JMJD7: variants seen among roughly 807,000 people sequenced by gnomAD.
JMJD7 encodes bifunctional peptidase and (3S)-lysyl hydroxylase JMJD7.
A neutral mutation model predicts 41.1 loss-of-function variants in JMJD7; 41 were observed. The observed-to-expected ratio is 1.00, with a 90% CI of 0.78 to 1.30. JMJD7 has a LOEUF of 1.30. JMJD7 is among the 50% of genes most tolerant of loss of function. The pLI is 0.00. For missense variants in JMJD7, 480 were observed against 420.7 expected (o/e 1.14, Z -1.23); for synonymous variants, 202 against 177.2 (o/e 1.14, Z -1.11).
intron 1 of JMJD7, among the ~76,000 whole-genome samples, chr15:41,833,410 A>T (rs1173155790): frequency 3.0e-3 from 120 of 39,676 alleles, no homozygotes; most frequent in South Asian, 0.01. Context: ...ATATATATAT[A>T]TATATTTTTT....
Position 41,836,609 on chromosome 15 carries a change from G to A in JMJD7, c.702+58G>A. 3 of 1,491,254 alleles carry A rather than the reference G, an allele frequency of 2.0e-6. No individual in the cohort carries two copies. In the Admixed American group the frequency reaches 7.0e-5, roughly 35 times the overall value. 92.4% of individuals were successfully genotyped at this position (1,491,254 alleles called of 1,614,324 possible). ...AGAAGGGCAGAAGCCTGGCTCTGAA[G>A]AACAGGCACAAAAGATCTGGGGAGG... On this transcript the variant is annotated intron_variant, in intron 6 of 7. Coordinates refer to ENST00000397299, the MANE Select transcript of JMJD7 (RefSeq NM_001114632.2).
chr15:41,835,250 C>A, intron 3 of JMJD7, 27 bp downstream of exon 3: 2 of 1,585,194 alleles, frequency 1.3e-6, no homozygotes, highest in South Asian at 2.2e-5. Context: ...TGGTCGTGGC[C>A]CTGGACAGGG....
rs781183887 is a variant in JMJD7, at chr15:41,835,101, A to C, written c.350A>C (p.Glu117Ala). 6.2e-7 allele frequency: 1 copy of C among 1,613,088 alleles called. No individual in the cohort carries two copies. Among genetic ancestry groups the C allele is most frequent in the Non-Finnish European group, 8.5e-7 (1 of 1,180,000 alleles). ...LPLSFVLDVL[E>A]GRAQHPGVLY... ...CTGAGCTTCGTGCTGGATGTGCTGGAGGGCCGGGCCCAGCACCCTGGAGTC... is the reference window on the plus strand; with the variant it reads ...CTGAGCTTCGTGCTGGATGTGCTGGCGGGCCGGGCCCAGCACCCTGGAGTC... The change falls in exon 3 of 8, where the codon GAG becomes GCG. Residue 117 changes from glutamate (E) to alanine (A), a missense_variant. By Grantham distance (107) the Glu-to-Ala change is moderately radical. Transcript: ENST00000397299.
At chr15:41,837,006 G>A (rs1254564266) in intron 7 of JMJD7, 62 bp from the exon 8 acceptor site, 17 of 1,609,560 alleles carry the variant, frequency 1.1e-5, no homozygotes, top group Middle Eastern at 1.6e-4. Context: ...TCTGGGGGGA[G>A]GCTTGGGAGG....
chr15:41,832,021 A>G (rs1033591346), intron 1 of JMJD7, among the ~76,000 whole-genome samples: 7 of 152,176 alleles, frequency 4.6e-5, no homozygotes, highest in African/African-American at 1.4e-4. Context: ...GGTTCCTGGT[A>G]TCTGCAAGCT....
Position 41,836,485 on chromosome 15 carries a change from G to C in JMJD7, c.636G>C (p.Thr212=). Residue 212 remains threonine, a synonymous_variant, in exon 6 of 8, where the codon ACG becomes ACC. Transcript: ENST00000397299. ...DRPFIPYELY[T]PATYQLTEEG... is the part of the protein sequence containing the mutation. Reference sequence around the variant, plus strand: ...TCCCTTGGGCTCCAGAGCTGTACACGCCGGCAACCTACCAGCTAACTGAAG... The same window carrying C: ...TCCCTTGGGCTCCAGAGCTGTACACCCCGGCAACCTACCAGCTAACTGAAG... 1 of 1,586,470 alleles carries C rather than the reference G, an allele frequency of 6.3e-7. No homozygotes were observed. Among genetic ancestry groups the C allele is most frequent in the Non-Finnish European group, 8.6e-7 (1 of 1,165,716 alleles).
Position 41,837,164 on chromosome 15 carries a change from C to G in JMJD7, c.*8C>G, listed in dbSNP as rs749401289. 1.3e-6 allele frequency: 2 copies of G among 1,599,082 alleles called. No homozygotes were observed. The highest frequency in any genetic ancestry group is 1.7e-6 in the Non-Finnish European group (2 of 1,168,498). ...GCTTCAGGCCTTGACTGATGGAGCA[C>G]TGGTGAACACCACCAAGCACGCCTC... is the stretch of plus-strand genomic sequence containing the variant. On this transcript the variant is annotated 3_prime_UTR_variant, in exon 8 of 8. Transcript: ENST00000397299.
Position 41,828,206 on chromosome 15 carries a change from AGGCTGC to A in JMJD7, c.64+22_64+27del, listed in dbSNP as rs1407772993. On this transcript the variant is annotated intron_variant, in intron 1 of 7. Transcript: ENST00000397299. The stretch of plus-strand genomic sequence containing the variant: ...TGCAAGGGGTGAGTGGCTCTCCCAC[AGGCTGC>A]GGCGATTTCCGAACACGGGAGGGGC... 5 of 1,500,580 alleles carry A rather than the reference AGGCTGC, an allele frequency of 3.3e-6. No individual in the cohort carries two copies. The African/African-American group carries it at 7.4e-5, about 22-fold the overall frequency. The allele number at this position is 1,500,580 out of a possible 1,614,324, so 93.0% of individuals were successfully genotyped here. A position where few individuals can be genotyped will look rare whatever the true frequency, so the allele number is the denominator to read the frequency against.
intron 3 of JMJD7, 122 bp downstream of exon 3, chr15:41,835,345 A>G: frequency 2.1e-6 from 3 of 1,410,512 alleles, no homozygotes; most frequent in Non-Finnish European, 1.9e-6. Flanking sequence ...CATCTGGTGC[A>G]GCTCACTAAA....
In JMJD7 at chr15:41,837,135, C is replaced by G. The variant is rs751905830; in HGVS notation, c.930C>G (p.Thr310=). 7 of 1,612,384 alleles carry G rather than the reference C, an allele frequency of 4.3e-6. No homozygotes were observed. In the South Asian group the frequency reaches 7.7e-5, roughly 18 times the overall value. The change falls in exon 8 of 8, where the codon ACC becomes ACG. Residue 310 remains threonine, a synonymous_variant. Transcript: ENST00000397299. Reference sequence around the variant, plus strand: ...ACTTCCAGCTGCTCGACTCCCTCACCAAGGCTTCAGGCCTTGACTGATGGA... The same window carrying G: ...ACTTCCAGCTGCTCGACTCCCTCACGAAGGCTTCAGGCCTTGACTGATGGA... The part of the protein sequence containing the change: ...YSYFQLLDSL[T]KASGLD
intron 1 of JMJD7, 135 bp downstream of exon 1, chr15:41,828,323 C>G (rs2065170508): frequency 1.9e-6 from 2 of 1,075,176 alleles, no homozygotes; most frequent in Non-Finnish European, 2.5e-6. Context: ...TCTGTGGCAA[C>G]CTGCTTCCCT....
At chr15:41,835,728 C>G (rs1596115011) in intron 4 of JMJD7, 84 bp downstream of exon 4, 1 of 1,499,536 alleles carries the variant, frequency 6.7e-7, no homozygotes, top group East Asian at 2.3e-5. Context: ...GGAGGGATGG[C>G]CCTGGGTGGA....
At position 41,835,077 on chromosome 15, in the gene JMJD7, T is replaced by C. The variant is rs142916967; in HGVS notation, c.326T>C (p.Leu109Pro). Reference protein sequence around the residue: ...FMMPAERRLPLSFVLDVLEGR... With the variant: ...FMMPAERRLPPSFVLDVLEGR... Reference sequence around the variant, plus strand: ...ATGCCAGCTGAGCGCCGCCTGCCCCTGAGCTTCGTGCTGGATGTGCTGGAG... The same window carrying C: ...ATGCCAGCTGAGCGCCGCCTGCCCCCGAGCTTCGTGCTGGATGTGCTGGAG... The change falls in exon 3 of 8, where the codon CTG becomes CCG. Residue 109 changes from leucine to proline, a missense_variant. Transcript: ENST00000397299. 2 of 1,613,500 alleles carry C rather than the reference T, an allele frequency of 1.2e-6. No individual in the cohort carries two copies. Among genetic ancestry groups the C allele is most frequent in the African/African-American group, 2.7e-5 (2 of 75,042 alleles).
chr15:41,836,572 C>CT (rs1567166638), intron 6 of JMJD7, 21 bp downstream of exon 6: 1 of 1,544,564 alleles, frequency 6.5e-7, no homozygotes, highest in South Asian at 1.2e-5. Flanking sequence ...TGTTCTTGGG[C>CT]TCTAGGGAGG....
At chr15:41,837,043 G>T (rs2065333244) in intron 7 of JMJD7, 25 bp from the exon 8 acceptor site, 1 of 1,602,982 alleles carries the variant, frequency 6.2e-7, no homozygotes, top group African/African-American at 1.3e-5. Flanking sequence ...GGATCTTCAT[G>T]CTCAGATCCC....
chr15:41,836,928 G>C lies in JMJD7; in HGVS notation c.850G>C (p.Gly284Arg). 1 of 1,613,162 alleles carries C rather than the reference G, an allele frequency of 6.2e-7. No individual in the cohort carries two copies. Among genetic ancestry groups the C allele is most frequent in the Non-Finnish European group, 8.5e-7 (1 of 1,179,448 alleles). ...GTTCCACCACGTCCAGCAGTCCCAG[G>C]GCTGCATCGCAGGTGAAGAGTTGCC... is the stretch of plus-strand genomic sequence containing the variant. ...LWFHHVQQSQ[G>R]CIAVNFWYDM... The change falls in exon 7 of 8, where the codon GGC becomes CGC. Residue 284 changes from glycine (G) to arginine (R), a missense_variant. Physicochemically the swap from Gly to Arg is moderately radical, Grantham distance 125. Coordinates refer to ENST00000397299, the MANE Select transcript of JMJD7 (RefSeq NM_001114632.2).
In JMJD7 at chr15:41,837,456, G is replaced by C. The variant is rs1431290277; in HGVS notation, c.*300G>C. 1 of 466,582 alleles carries C rather than the reference G, an allele frequency of 2.1e-6. No homozygotes were observed. The highest frequency in any genetic ancestry group is 3.6e-5 in the East Asian group (1 of 27,420). 28.9% of individuals were successfully genotyped at this position (466,582 alleles called of 1,614,324 possible). A position where few individuals can be genotyped will look rare whatever the true frequency, so the allele number is the denominator to read the frequency against. On this transcript the variant is annotated 3_prime_UTR_variant, in exon 8 of 8. Transcript: ENST00000397299. ...GCGAGTCACTGCGTCTCGGGCATTG[G>C]TGTCCTGTCAGTAAAGAGATAATAA...
In JMJD7 at chr15:41,835,112, C is replaced by G. The variant is rs1269633956; in HGVS notation, c.361C>G (p.Gln121Glu). 5.6e-6 allele frequency: 9 copies of G among 1,612,272 alleles called. No individual in the cohort carries two copies. Among genetic ancestry groups the G allele is most frequent in the Admixed American group, 1.7e-5 (1 of 60,008 alleles). The part of the protein sequence containing the change: ...FVLDVLEGRA[Q>E]HPGVLYVQKQ... ...GCTGGATGTGCTGGAGGGCCGGGCC[C>G]AGCACCCTGGAGTCCTCTATGTGCA... The change falls in exon 3 of 8, where the codon CAG (glutamine) becomes GAG (glutamate). Residue 121 changes from glutamine (Q) to glutamate (E), a missense_variant. Physicochemically the swap from Gln to Glu is conservative, Grantham distance 29. Coordinates refer to ENST00000397299, the MANE Select transcript of JMJD7 (RefSeq NM_001114632.2).
chr15:41,837,044 C>T (rs747443393), intron 7 of JMJD7, 24 bp from the exon 8 acceptor site: 1 of 1,602,498 alleles, frequency 6.2e-7, no homozygotes, highest in African/African-American at 1.3e-5. Context: ...GATCTTCATG[C>T]TCAGATCCCC....
Sources: gnomAD v4.1 joint callset for allele counts (sites outside exome capture counted in the v4.1 genomes callset) on GRCh38, gnomAD v4.1.1 for gene constraint, MANE v1.5 for transcripts, NCBI Gene and HGNC (gene_info 2026-07-23, HGNC 2026-07-21) for gene names.